The following RGS7 variants were observed in gnomAD, a reference collection of about 807,000 sequenced individuals.
The protein encoded by RGS7 is regulator of G protein signaling 7.
A neutral mutation model predicts 81.1 loss-of-function variants in RGS7; 27 were observed. The observed-to-expected ratio is 0.33, with a 90% CI of 0.25 to 0.46. The LOEUF (loss-of-function observed/expected upper bound fraction) is 0.46. Ranked by LOEUF, RGS7 falls within the 20% of genes least tolerant of loss-of-function variation. RGS7 has a pLI of 1.00. For synonymous variants in RGS7, 208 were observed against 207.7 expected (o/e 1.00, Z -0.01); for missense variants, 396 against 607.4 (o/e 0.65, Z 3.66).
At chr1:240,953,365 A>G (rs1679868928) in intron 4 of RGS7, among the ~76,000 whole-genome samples, 1 of 151,952 alleles carries the variant, frequency 6.6e-6, no homozygotes, top group African/African-American at 2.4e-5. Flanking sequence ...TCTTAAATCT[A>G]AAAGAACAGA....
intron 3 of RGS7, among the ~76,000 whole-genome samples, chr1:241,026,780 G>A (rs925331600): frequency 6.6e-6 from 1 of 151,446 alleles, no homozygotes; most frequent in East Asian, 1.9e-4. Context: ...GAAAATCAAA[G>A]AGTCTGGTGA....
intron 2 of RGS7, among the ~76,000 whole-genome samples, chr1:241,161,353 T>C (rs59650977): frequency 0.013 from 2,051 of 152,114 alleles, 32 homozygotes; most frequent in African/African-American, 0.047. Context: ...CTGGTGTTTT[T>C]AAGAGATAAT....
chr1:241,122,006 A>G (rs1311344931), intron 2 of RGS7, among the ~76,000 whole-genome samples: 1 of 152,122 alleles, frequency 6.6e-6, no homozygotes, highest in Non-Finnish European at 1.5e-5. Context: ...GCCCAGGCTT[A>G]ATTCTTTTTC....
At chr1:241,290,444 C>T (rs2079030024) in intron 2 of RGS7, among the ~76,000 whole-genome samples, 1 of 152,242 alleles carries the variant, frequency 6.6e-6, no homozygotes, top group Non-Finnish European at 1.5e-5. Flanking sequence ...ATCCGTTTAT[C>T]TCTCCCATCA....
At chr1:241,004,764 G>GCT (rs1238549524) in intron 3 of RGS7, among the ~76,000 whole-genome samples, 4 of 152,172 alleles carry the variant, frequency 2.6e-5, no homozygotes, top group African/African-American at 9.7e-5. Flanking sequence ...ATGGGGCAGA[G>GCT]CTCTCTCTGG....
At chr1:240,930,978 C>T (rs937039007) in intron 5 of RGS7, among the ~76,000 whole-genome samples, 3 of 152,066 alleles carry the variant, frequency 2.0e-5, no homozygotes, top group African/African-American at 4.8e-5. Flanking sequence ...ATGTGTAGTA[C>T]CAGCAAGCAG....
intron 2 of RGS7, among the ~76,000 whole-genome samples, chr1:241,334,511 A>G (rs1411060822): frequency 1.3e-5 from 2 of 152,176 alleles, no homozygotes; most frequent in Non-Finnish European, 2.9e-5. Context: ...CAGAAGAGGA[A>G]ACCTAATATC....
chr1:240,884,880 C>T (rs1667077269), intron 6 of RGS7, among the ~76,000 whole-genome samples: 1 of 152,088 alleles, frequency 6.6e-6, no homozygotes, highest in African/African-American at 2.4e-5. Context: ...AAAGCAACTG[C>T]AACAAAAGCG....
intron 4 of RGS7, among the ~76,000 whole-genome samples, chr1:240,970,282 G>A (rs1682986948): frequency 6.6e-6 from 1 of 152,186 alleles, no homozygotes; most frequent in Non-Finnish European, 1.5e-5. Context: ...AGACATCCTG[G>A]GGGAAATACC....
chr1:241,205,244 ATT>A (rs113696057), intron 2 of RGS7, among the ~76,000 whole-genome samples: 10,289 of 136,462 alleles, frequency 0.075, 1,041 homozygotes, highest in African/African-American at 0.24. Flanking sequence ...CGCCCAGCTA[ATT>A]TTTTTTTTTT....
intron 4 of RGS7, among the ~76,000 whole-genome samples, chr1:240,954,834 T>A (rs1227014763): frequency 6.6e-6 from 1 of 152,150 alleles, no homozygotes; most frequent in Non-Finnish European, 1.5e-5. Flanking sequence ...ATTATAATTG[T>A]CTACGTAGAA....
intron 2 of RGS7, among the ~76,000 whole-genome samples, chr1:241,213,380 C>G (rs1242321242): frequency 6.6e-6 from 1 of 152,098 alleles, no homozygotes; most frequent in Admixed American, 6.6e-5. Flanking sequence ...TAAAAGCGAA[C>G]CAAATATGAC....
At chr1:241,311,352 G>A (rs577653128) in intron 2 of RGS7, among the ~76,000 whole-genome samples, 1 of 152,270 alleles carries the variant, frequency 6.6e-6, no homozygotes, top group Admixed American at 6.5e-5. Flanking sequence ...AATAAAAACG[G>A]CAGCACAGTG....
intron 3 of RGS7, among the ~76,000 whole-genome samples, chr1:241,004,411 A>G (rs868855356): frequency 1.3e-5 from 2 of 152,186 alleles, no homozygotes; most frequent in Admixed American, 6.5e-5. Flanking sequence ...TAAGAAACCT[A>G]TTTGAACAGT....
At chr1:241,026,938 G>C (rs73123767) in intron 3 of RGS7, among the ~76,000 whole-genome samples, 2 of 151,430 alleles carry the variant, frequency 1.3e-5, no homozygotes, top group African/African-American at 4.9e-5. Context: ...GAAATGGTAA[G>C]AGGAGAGGTA....
At chr1:241,202,292 C>A in intron 2 of RGS7, among the ~76,000 whole-genome samples, 1 of 146,586 alleles carries the variant, frequency 6.8e-6, no homozygotes, top group East Asian at 1.9e-4. Flanking sequence ...GAAACAAACA[C>A]AATTTTAATT....
chr1:240,900,848 G>C (rs1669877689), intron 6 of RGS7, among the ~76,000 whole-genome samples: 1 of 152,200 alleles, frequency 6.6e-6, no homozygotes, highest in South Asian at 2.1e-4. Flanking sequence ...TAAGTCTGCA[G>C]AAGTTTCTGC....
intron 4 of RGS7, among the ~76,000 whole-genome samples, chr1:240,954,583 G>A (rs1680057613): frequency 6.6e-6 from 1 of 151,738 alleles, no homozygotes; most frequent in Non-Finnish European, 1.5e-5. Context: ...AGCAATCTAG[G>A]ATCAGAGGAG....
intron 13 of RGS7, 48 bp downstream of exon 13, chr1:240,813,570 C>A: frequency 8.8e-7 from 1 of 1,141,448 alleles, no homozygotes; most frequent in South Asian, 1.2e-5. Flanking sequence ...TTCACTCAGA[C>A]CCTGAAATAA....
Sources: gnomAD v4.1 joint callset for allele counts (sites outside exome capture counted in the v4.1 genomes callset) on GRCh38, gnomAD v4.1.1 for gene constraint, MANE v1.5 for transcripts, NCBI Gene and HGNC (gene_info 2026-07-23, HGNC 2026-07-21) for gene names.